The following FBLN2 variants were observed in gnomAD, a reference collection of about 807,000 sequenced individuals.
FBLN2 encodes fibulin 2, also known as fibulin-2.
Under a neutral mutation model 123.7 loss-of-function variants are expected in FBLN2, and 81 were observed. The observed-to-expected ratio is 0.65, with a 90% CI of 0.55 to 0.79. The LOEUF (loss-of-function observed/expected upper bound fraction) is 0.79. FBLN2 is among the 30% of genes least tolerant of loss of function. The pLI is 0.00. For missense variants in FBLN2, 1,603 were observed against 1,681.3 expected, an observed-to-expected ratio of 0.95 and a Z score of 0.81; for synonymous variants, 699 against 701.4, an observed-to-expected ratio of 1.00 and a Z score of 0.05.
intron 2 of FBLN2, among the ~76,000 whole-genome samples, chr3:13,586,961 A>T (rs1358103782): frequency 2.0e-5 from 3 of 151,580 alleles, no homozygotes; most frequent in South Asian, 4.1e-4. Context: ...CTTGGCCCAC[A>T]TGGTAAAACC....
At chr3:13,602,611 G>A (rs1277269173) in intron 2 of FBLN2, among the ~76,000 whole-genome samples, 1 of 152,154 alleles carries the variant, frequency 6.6e-6, no homozygotes, top group Non-Finnish European at 1.5e-5. Flanking sequence ...TCGTCTTCAT[G>A]TGAATCAAGC....
chr3:13,590,120 C>T (rs181077360), intron 2 of FBLN2, among the ~76,000 whole-genome samples: 128 of 152,302 alleles, frequency 8.4e-4, no homozygotes, highest in African/African-American at 3.0e-3. Flanking sequence ...TTAACCCCAT[C>T]GCTGCTGGAA....
intron 2 of FBLN2, among the ~76,000 whole-genome samples, chr3:13,585,696 C>T (rs919172565): frequency 2.6e-5 from 4 of 152,120 alleles, no homozygotes; most frequent in African/African-American, 9.7e-5. Flanking sequence ...GAGGCCAAGG[C>T]AGGAGAATCG....
chr3:13,633,752 G>C lies in FBLN2; in HGVS notation c.3214+2295G>C, dbSNP rs922489434. Among the ~76,000 whole-genome samples the C allele has an allele frequency of 2.0e-5, 3 of 152,184 alleles. No individual in the cohort carries two copies. In the East Asian group the frequency reaches 5.8e-4, roughly 29 times the overall value. ...GGACAGGAAAATCCGAAGGAATTTA[G>C]ACTCAGCCCTCTCACCTGGCATGCA... On this transcript the variant is annotated intron_variant, in intron 16 of 17. Coordinates refer to ENST00000404922, the MANE Select transcript of FBLN2 (RefSeq NM_001004019.2).
Position 13,626,595 on chromosome 3 carries a change from A to G in FBLN2, c.2431+16A>G, listed in dbSNP as rs962454425. ...GAGTGCGAAGGTGAGAAGGGCCCAG[A>G]AGGACCAACTGGAGGCCCCGCCCCA... On this transcript the variant is annotated intron_variant, in intron 10 of 17. Transcript: ENST00000404922. 53 of 1,530,966 alleles carry G rather than the reference A, an allele frequency of 3.5e-5. 1 individual carries two copies. The highest frequency in any genetic ancestry group is 3.7e-4 in the Middle Eastern group (2 of 5,404). 94.8% of individuals were successfully genotyped at this position (1,530,966 alleles called of 1,614,324 possible).
chr3:13,569,897 G>A (rs182157439), intron 1 of FBLN2, among the ~76,000 whole-genome samples: 18 of 152,104 alleles, frequency 1.2e-4, no homozygotes, highest in South Asian at 4.1e-4. Context: ...GTGAGACAGC[G>A]TGTGTAACTG....
chr3:13,573,277 C>T lies in FBLN2; in HGVS notation c.1306+1616C>T, dbSNP rs191835447. On this transcript the variant is annotated intron_variant, in intron 2 of 17. Transcript: ENST00000404922. ...TCCCTCTGGCTAAGGGGCCTTTGCA[C>T]GTGCTGTTTCCCCCGCCTGGAGCAC... Among the ~76,000 whole-genome samples the T allele has an allele frequency of 9.6e-4, 146 of 152,220 alleles. 1 individual carries two copies. The highest frequency in any genetic ancestry group is 3.3e-3 in the African/African-American group (136 of 41,522).
chr3:13,586,350 A>G (rs1212402693), intron 2 of FBLN2, among the ~76,000 whole-genome samples: 1 of 150,884 alleles, frequency 6.6e-6, no homozygotes, highest in Non-Finnish European at 1.5e-5. Context: ...ACGCCAGGCT[A>G]ATTTTTGTAT....
chr3:13,565,782 C>T (rs1703730078), intron 1 of FBLN2, among the ~76,000 whole-genome samples: 1 of 152,208 alleles, frequency 6.6e-6, no homozygotes, highest in African/African-American at 2.4e-5. Flanking sequence ...AGCCCGGTGA[C>T]CACCAGGGGC....
At chr3:13,569,141 AG>A in intron 1 of FBLN2, 1 of 790,222 alleles carries the variant, frequency 1.3e-6, no homozygotes, top group Non-Finnish European at 1.5e-6. Context: ...AGGGTGGAGG[AG>A]GGAGGAGGCA....
At chr3:13,567,113 G>A (rs543559103) in intron 1 of FBLN2, among the ~76,000 whole-genome samples, 3 of 152,212 alleles carry the variant, frequency 2.0e-5, no homozygotes, top group Non-Finnish European at 4.4e-5. Flanking sequence ...GTGATGCTGG[G>A]GGCCTGGGGG....
At chr3:13,633,293 C>T (rs180756714) in intron 16 of FBLN2, among the ~76,000 whole-genome samples, 3 of 152,392 alleles carry the variant, frequency 2.0e-5, no homozygotes, top group African/African-American at 7.2e-5. Context: ...GGGGTGGCTG[C>T]TCCTCTGCCC....
intron 5 of FBLN2, 104 bp from the exon 6 acceptor site, chr3:13,617,972 A>T: frequency 1.0e-6 from 1 of 978,830 alleles, no homozygotes; most frequent in Non-Finnish European, 1.6e-6. Context: ...TGCTGGGCAC[A>T]CAGAGGTCTT....
rs1475000897 is a variant in FBLN2, at chr3:13,628,835, G to C, written c.2570-70G>C. On this transcript the variant is annotated intron_variant, in intron 11 of 17. Coordinates refer to ENST00000404922, the MANE Select transcript of FBLN2 (RefSeq NM_001004019.2). The stretch of plus-strand genomic sequence containing the variant: ...CCAGGACCGACCCCCTCCCAGTGTG[G>C]CCCTGGGAGGGGCTGGGGCCTGGGA... 5 of 1,552,296 alleles carry C rather than the reference G, an allele frequency of 3.2e-6. No individual in the cohort carries two copies. The African/African-American group carries it at 6.8e-5, about 21-fold the overall frequency.
At chr3:13,583,893 A>G (rs1174049488) in intron 2 of FBLN2, among the ~76,000 whole-genome samples, 1 of 152,196 alleles carries the variant, frequency 6.6e-6, no homozygotes, top group Non-Finnish European at 1.5e-5. Flanking sequence ...TGGGTGCCAG[A>G]GATTCAGCAG....
At chr3:13,565,535 G>A (rs1256886143) in intron 1 of FBLN2, among the ~76,000 whole-genome samples, 1 of 152,242 alleles carries the variant, frequency 6.6e-6, no homozygotes, top group Non-Finnish European at 1.5e-5. Flanking sequence ...CCGAGACAGG[G>A]TGATTGCTTG....
chr3:13,567,230 G>C (rs1430496689), intron 1 of FBLN2, among the ~76,000 whole-genome samples: 1 of 152,194 alleles, frequency 6.6e-6, no homozygotes, highest in African/African-American at 2.4e-5. Flanking sequence ...AAGTTCTTCT[G>C]GAAGAAGTTC....
chr3:13,557,204 G>T (rs1430534971), intron 1 of FBLN2, among the ~76,000 whole-genome samples: 1 of 152,220 alleles, frequency 6.6e-6, no homozygotes, highest in Non-Finnish European at 1.5e-5. Flanking sequence ...GGCCCCAGGC[G>T]CATGTCTGGA....
chr3:13,573,371 C>G (rs1394938529), intron 2 of FBLN2, among the ~76,000 whole-genome samples: 1 of 152,066 alleles, frequency 6.6e-6, no homozygotes, highest in South Asian at 2.1e-4. Context: ...GCTCAAGACT[C>G]CCTGCAGGGA....
Sources: gnomAD v4.1 joint callset for allele counts (sites outside exome capture counted in the v4.1 genomes callset) on GRCh38, gnomAD v4.1.1 for gene constraint, MANE v1.5 for transcripts, NCBI Gene and HGNC (gene_info 2026-07-23, HGNC 2026-07-21) for gene names.